CRACD: variants seen among roughly 807,000 people sequenced by gnomAD.
CRACD encodes the protein capping protein-inhibiting regulator of actin dynamics.
CRACD carries 56 observed loss-of-function variants against 106.8 expected under a neutral mutation model. The ratio of observed to expected loss-of-function variants is 0.52; its 90% CI spans 0.42 to 0.66. The LOEUF is 0.66. Among genes scored for constraint, CRACD ranks in the 30% least tolerant of loss-of-function variants. CRACD has a pLI of 0.00. For missense variants in CRACD, 1,730 were observed against 1,623.2 expected (o/e 1.07, Z -1.13); for synonymous variants, 754 against 670.8 (o/e 1.12, Z -1.92).
intron 1 of CRACD, among the ~76,000 whole-genome samples, chr4:56,091,145 TG>T (rs1733412089): frequency 1.3e-5 from 2 of 152,142 alleles, no homozygotes; most frequent in South Asian, 4.1e-4. Context: ...CTTGAACTCC[TG>T]GGCTCAAGCA....
At chr4:56,088,723 T>G (rs981218782) in intron 1 of CRACD, among the ~76,000 whole-genome samples, 1 of 152,066 alleles carries the variant, frequency 6.6e-6, no homozygotes, top group East Asian at 1.9e-4. Context: ...AATTATATAC[T>G]GTACTTTTTT....
intron 4 of CRACD, among the ~76,000 whole-genome samples, chr4:56,300,871 G>A (rs555230767): frequency 6.6e-6 from 1 of 152,176 alleles, no homozygotes; most frequent in African/African-American, 2.4e-5. Context: ...AGTAAGGCGT[G>A]ATTTTAAATA....
intron 1 of CRACD, among the ~76,000 whole-genome samples, chr4:56,107,377 T>C (rs1733984615): frequency 6.6e-6 from 1 of 152,208 alleles, no homozygotes; most frequent in Admixed American, 6.6e-5. Context: ...TGATAGTACC[T>C]ACTTTAAAGG....
chr4:56,234,585 A>G (rs1012717449), intron 2 of CRACD, among the ~76,000 whole-genome samples: 1 of 152,198 alleles, frequency 6.6e-6, no homozygotes, highest in African/African-American at 2.4e-5. Context: ...TTGTTATAAT[A>G]AAAATATTAT....
At chr4:56,143,201 T>C (rs1735266361) in intron 1 of CRACD, among the ~76,000 whole-genome samples, 1 of 152,084 alleles carries the variant, frequency 6.6e-6, no homozygotes, top group Non-Finnish European at 1.5e-5. Flanking sequence ...TCTATTGTTG[T>C]CATGAATAGT....
At chr4:56,204,937 A>T (rs1034579449) in intron 2 of CRACD, among the ~76,000 whole-genome samples, 1 of 151,496 alleles carries the variant, frequency 6.6e-6, no homozygotes, top group African/African-American at 2.4e-5. Flanking sequence ...AGGCGGGAGG[A>T]TCCTTTGCAC....
intron 1 of CRACD, among the ~76,000 whole-genome samples, chr4:56,106,097 G>T (rs542710051): frequency 4.1e-4 from 63 of 152,214 alleles, no homozygotes; most frequent in African/African-American, 1.3e-3. Flanking sequence ...CAGGTGAAAG[G>T]GTGCATAAAG....
At position 56,092,109 on chromosome 4, in the gene CRACD, G is replaced by A. The variant is rs912462645; in HGVS notation, c.-336+42810G>A. The stretch of plus-strand genomic sequence containing the variant: ...AAATAAATGAACAAAATAGTTTAGT[G>A]ATAAGTGTCAAGAAGAAAATAGAAG... On this transcript the variant is annotated intron_variant, in intron 1 of 10. Transcript: ENST00000682029. Among the ~76,000 whole-genome samples, 183 of 152,318 alleles carry A rather than the reference G, an allele frequency of 1.2e-3. 2 individuals are homozygous for A. The highest frequency in any genetic ancestry group is 0.012 in the Admixed American group (181 of 15,286).
chr4:56,295,470 A>G (rs944997522), intron 3 of CRACD, among the ~76,000 whole-genome samples: 3 of 151,798 alleles, frequency 2.0e-5, no homozygotes, highest in Non-Finnish European at 4.4e-5. Context: ...TGGACATCAG[A>G]TCTTTGCCGG....
At chr4:56,110,211 TG>T (rs1734072914) in intron 1 of CRACD, among the ~76,000 whole-genome samples, 1 of 152,100 alleles carries the variant, frequency 6.6e-6, no homozygotes, top group African/African-American at 2.4e-5. Context: ...AGTAAGAAAA[TG>T]GAGCAGTGCC....
At chr4:56,204,137 T>C (rs1738011967) in intron 2 of CRACD, among the ~76,000 whole-genome samples, 1 of 152,206 alleles carries the variant, frequency 6.6e-6, no homozygotes, top group Non-Finnish European at 1.5e-5. Flanking sequence ...GGCATCCTCA[T>C]GCAGGGAACA....
chr4:56,306,944 G>T (rs923210085), intron 4 of CRACD, among the ~76,000 whole-genome samples: 1 of 152,200 alleles, frequency 6.6e-6, no homozygotes, highest in Non-Finnish European at 1.5e-5. Flanking sequence ...TGGCCCTGGG[G>T]CCTTCTTTGC....
chr4:56,287,173 G>T (rs1048544601), intron 3 of CRACD, among the ~76,000 whole-genome samples: 4 of 152,192 alleles, frequency 2.6e-5, no homozygotes, highest in Non-Finnish European at 4.4e-5. Flanking sequence ...CACCTAGGCT[G>T]GAGTATGGTG....
At chr4:56,138,884 C>G (rs1204868110) in intron 1 of CRACD, among the ~76,000 whole-genome samples, 4 of 152,178 alleles carry the variant, frequency 2.6e-5, no homozygotes, top group Admixed American at 1.3e-4. Flanking sequence ...TCCATCTTTT[C>G]CAGAAGAGAT....
At chr4:56,219,246 G>C (rs999524546) in intron 2 of CRACD, among the ~76,000 whole-genome samples, 18 of 152,194 alleles carry the variant, frequency 1.2e-4, no homozygotes, top group African/African-American at 4.3e-4. Context: ...ACCACAGTAG[G>C]TTATGAAGCA....
intron 2 of CRACD, among the ~76,000 whole-genome samples, chr4:56,224,944 T>C (rs1213062583): frequency 3.9e-5 from 6 of 152,210 alleles, no homozygotes; most frequent in Non-Finnish European, 8.8e-5. Context: ...GTAAAAGATC[T>C]GGAGAGGGTT....
intron 1 of CRACD, among the ~76,000 whole-genome samples, chr4:56,178,985 G>C (rs1449819864): frequency 6.6e-6 from 1 of 152,206 alleles, no homozygotes; most frequent in African/African-American, 2.4e-5. Context: ...ACTACATGAA[G>C]AATATGTGTG....
At chr4:56,163,635 T>C (rs936230890) in intron 1 of CRACD, among the ~76,000 whole-genome samples, 6 of 152,182 alleles carry the variant, frequency 3.9e-5, no homozygotes, top group African/African-American at 1.2e-4. Flanking sequence ...CTTAATACAA[T>C]GAGAAAAAAT....
At chr4:56,261,911 T>C (rs1180203543) in intron 2 of CRACD, among the ~76,000 whole-genome samples, 2 of 152,160 alleles carry the variant, frequency 1.3e-5, no homozygotes, top group East Asian at 1.9e-4. Flanking sequence ...TATAAAGCCA[T>C]ATATGCATTG....
Sources: gnomAD v4.1 joint callset for allele counts (sites outside exome capture counted in the v4.1 genomes callset) on GRCh38, gnomAD v4.1.1 for gene constraint, MANE v1.5 for transcripts, NCBI Gene and HGNC (gene_info 2026-07-23, HGNC 2026-07-21) for gene names.